UBE2J2: variants seen among roughly 807,000 people sequenced by gnomAD.
The protein encoded by UBE2J2 is ubiquitin conjugating enzyme E2 J2, also known as ubiquitin-conjugating enzyme E2 J2.
A neutral mutation model predicts 28.6 loss-of-function variants in UBE2J2; 5 were observed. The ratio of observed to expected loss-of-function variants is 0.17; its 90% CI spans 0.09 to 0.37. UBE2J2 has a LOEUF of 0.37. Ranked by LOEUF, UBE2J2 falls within the 10% of genes least tolerant of loss-of-function variation. UBE2J2 has a pLI of 1.00. For synonymous variants in UBE2J2, 138 were observed against 139.7 expected (o/e 0.99, Z 0.09); for missense variants, 226 against 338.9 (o/e 0.67, Z 2.62).
intron 3 of UBE2J2, among the ~76,000 whole-genome samples, 176 bp from the exon 4 acceptor site, chr1:1,257,486 C>G (rs1195485136): frequency 2.0e-5 from 3 of 148,226 alleles, no homozygotes; most frequent in Non-Finnish European, 4.5e-5. Context: ...TGACCTTGCT[C>G]TCCACTACCA....
At chr1:1,258,279 G>C (rs2101039886) in intron 3 of UBE2J2, among the ~76,000 whole-genome samples, 1 of 152,132 alleles carries the variant, frequency 6.6e-6, no homozygotes, top group African/African-American at 2.4e-5. Flanking sequence ...CTGACCTCAT[G>C]ATCCGCCCGC....
In UBE2J2 at chr1:1,267,788, G is replaced by A. The variant is rs1387213120; in HGVS notation, c.131+74C>T. On this transcript the variant is annotated intron_variant, in intron 2 of 6. Transcript: ENST00000349431. ...ATGCCATGACTGGGGCACCAGGCTC[G>A]CCCAGCAGGGGCCGGCAGAGGCCTG... 32 of 1,586,520 alleles carry A rather than the reference G, an allele frequency of 2.0e-5. No homozygotes were observed. Among genetic ancestry groups the A allele is most frequent in the Non-Finnish European group, 2.6e-5 (30 of 1,161,220 alleles).
At position 1,268,526 on chromosome 1, in the gene UBE2J2, G is replaced by T. The variant is rs975623623; in HGVS notation, c.1-534C>A. On this transcript the variant is annotated intron_variant, in intron 1 of 6. Coordinates refer to ENST00000349431, the MANE Select transcript of UBE2J2 (RefSeq NM_058167.3). This position sits in a 1 kb window ranked among gnomAD's most constrained non-coding sequence, Gnocchi z 4.7. ...ACGGGGGAGCCTCTGCGGCTGGAGGGACGAGGACTCTGGAGACTCCAAGGC... is the reference window on the plus strand; with the variant it reads ...ACGGGGGAGCCTCTGCGGCTGGAGGTACGAGGACTCTGGAGACTCCAAGGC... Among the ~76,000 whole-genome samples the T allele has an allele frequency of 6.6e-6, 1 of 152,118 alleles. No homozygotes were observed. Among genetic ancestry groups the T allele is most frequent in the Non-Finnish European group, 1.5e-5 (1 of 68,032 alleles).
chr1:1,259,889 T>TG lies in UBE2J2; in HGVS notation c.173-2580dup, dbSNP rs371398545. On this transcript the variant is annotated intron_variant, in intron 3 of 6. Transcript: ENST00000349431. Reference sequence around the variant, plus strand: ...CCCTGGACCCAATAAAGGGTCGGCCTGGGGGTTCCAGTCTCTCTCCACTTT... The same window carrying TG: ...CCCTGGACCCAATAAAGGGTCGGCCTGGGGGGTTCCAGTCTCTCTCCACTTT... Among the ~76,000 whole-genome samples the TG allele has an allele frequency of 4.7e-3, 719 of 152,292 alleles. 6 individuals are homozygous for TG. The highest frequency in any genetic ancestry group is 0.016 in the African/African-American group (666 of 41,572).
intron 2 of UBE2J2, chr1:1,266,024 G>A (rs1639839706): frequency 7.7e-7 from 1 of 1,293,670 alleles, no homozygotes; most frequent in Non-Finnish European, 1.0e-6. Context: ...TTTGTGGGGA[G>A]GGATTTCCCC....
chr1:1,272,614 C>A (rs1182984762), intron 1 of UBE2J2, among the ~76,000 whole-genome samples: 2 of 152,212 alleles, frequency 1.3e-5, no homozygotes, highest in Non-Finnish European at 2.9e-5. Flanking sequence ...CATGCACCTG[C>A]CTGGGTCACC....
In UBE2J2 at chr1:1,255,197, TG is replaced by T. The variant is rs1639098343; in HGVS notation, c.*5del. 2 of 1,576,682 alleles carry T rather than the reference TG, an allele frequency of 1.3e-6. No homozygotes were observed. The highest frequency in any genetic ancestry group is 1.7e-6 in the Non-Finnish European group (2 of 1,156,878). On this transcript the variant is annotated 3_prime_UTR_variant, in exon 7 of 7. Coordinates refer to ENST00000349431, the MANE Select transcript of UBE2J2 (RefSeq NM_058167.3). ...CAGTGGCGCCTTGGGTCTCGGCGCC[TG>T]GGCCTCACTCCTGCGCGATGCTCCT...
rs1345538503 is a variant in UBE2J2 at position 1,268,443 on chromosome 1, C to A, written c.1-451G>T. Among the ~76,000 whole-genome samples, 3 of 152,164 alleles carry A rather than the reference C, an allele frequency of 2.0e-5. No homozygotes were observed. The highest frequency in any genetic ancestry group is 2.9e-5 in the Non-Finnish European group (2 of 68,028). Reference sequence around the variant, plus strand: ...GGCACCACCGCCGGCCCCTTCACCGCACCCGGAAGCCCGCTGCCCAGCATT... The same window carrying A: ...GGCACCACCGCCGGCCCCTTCACCGAACCCGGAAGCCCGCTGCCCAGCATT... On this transcript the variant is annotated intron_variant, in intron 1 of 6. Transcript: ENST00000349431. This position sits in a 1 kb window ranked among gnomAD's most constrained non-coding sequence, Gnocchi z 4.7.
At chr1:1,255,518 G>A (rs1639122949) in intron 6 of UBE2J2, 31 bp from the exon 7 acceptor site, 2 of 1,589,080 alleles carry the variant, frequency 1.3e-6, no homozygotes, top group East Asian at 4.5e-5. Flanking sequence ...AAAGCAGCTG[G>A]TCTCCAACCA....
intron 3 of UBE2J2, 110 bp from the exon 4 acceptor site, chr1:1,257,420 C>A: frequency 1.5e-6 from 1 of 646,218 alleles, no homozygotes; most frequent in Non-Finnish European, 2.6e-6. Context: ...CAGCTCGGCT[C>A]CCGAGTCCTC....
chr1:1,257,170 C>T, intron 4 of UBE2J2, 38 bp downstream of exon 4: 1 of 1,603,152 alleles, frequency 6.2e-7, no homozygotes, highest in Non-Finnish European at 8.5e-7. Context: ...CTCCCCACCG[C>T]AGCCAGAAAG....
chr1:1,259,310 G>A (rs1012548216), intron 3 of UBE2J2, among the ~76,000 whole-genome samples: 22 of 151,872 alleles, frequency 1.4e-4, no homozygotes, highest in African/African-American at 5.3e-4. Context: ...GCACGTGCGT[G>A]CCATCAGGAC....
intron 1 of UBE2J2, chr1:1,272,818 C>G (rs894775392): frequency 1.9e-5 from 3 of 159,348 alleles, no homozygotes; most frequent in East Asian, 1.9e-4. Flanking sequence ...CAACCACGCC[C>G]TAGGCTCAGG....
chr1:1,267,562 T>C (rs1034530318), intron 2 of UBE2J2, among the ~76,000 whole-genome samples: 3 of 151,996 alleles, frequency 2.0e-5, no homozygotes, highest in Non-Finnish European at 4.4e-5. Flanking sequence ...CACCAGAGAC[T>C]CTCTCCAGCC....
Position 1,271,974 on chromosome 1 carries a change from CAAAAAAAAAAAAA to C in UBE2J2, c.-1+1679_-1+1691del, listed in dbSNP as rs60924258. ...GGGCAACAAGAGCGAAACTCCGTCT[CAAAAAAAAAAAAA>C]AAAAAAAAAAAAAAAAATTAGCCGG... On this transcript the variant is annotated intron_variant, in intron 1 of 6. Coordinates refer to ENST00000349431, the MANE Select transcript of UBE2J2 (RefSeq NM_058167.3). 6.7e-3 allele frequency among the ~76,000 whole-genome samples: 185 copies of C among 27,618 alleles called. 3 individuals carry two copies. In the Middle Eastern group the frequency reaches 0.12, roughly 19 times the overall value. 18.1% of individuals were successfully genotyped at this position (27,618 alleles called of 152,430 possible). A position where few individuals can be genotyped will look rare whatever the true frequency, so the allele number is the denominator to read the frequency against.
Position 1,255,226 on chromosome 1 carries a change from G to C in UBE2J2, c.757C>G (p.Leu253Val). 1 of 1,608,132 alleles carries C rather than the reference G, an allele frequency of 6.2e-7. No individual in the cohort carries two copies. ...AAFAYTVKYVLRSIAQE is the reference protein window; with the variant it reads ...AAFAYTVKYVVRSIAQE Reference sequence around the variant, plus strand: ...CCTCACTCCTGCGCGATGCTCCTCAGCACGTACTTGACCGTGTAAGCAAAG... The same window carrying C: ...CCTCACTCCTGCGCGATGCTCCTCACCACGTACTTGACCGTGTAAGCAAAG... Residue 253 changes from leucine (L) to valine (V), a missense_variant, in exon 7 of 7, where the codon CTG (leucine) becomes GTG (valine). Physicochemically the swap from Leu to Val is conservative, Grantham distance 32 (BLOSUM62 1). Coordinates refer to ENST00000349431, the MANE Select transcript of UBE2J2 (RefSeq NM_058167.3).
At position 1,268,021 on chromosome 1, in the gene UBE2J2, C is replaced by G; in HGVS notation, c.1-29G>C. 6.2e-7 allele frequency: 1 copy of G among 1,609,054 alleles called. No individual in the cohort carries two copies. Among genetic ancestry groups the G allele is most frequent in the Non-Finnish European group, 8.5e-7 (1 of 1,176,378 alleles). On this transcript the variant is annotated intron_variant, in intron 1 of 6. Transcript: ENST00000349431. The surrounding 1 kb of genome is among the most constrained non-coding windows in gnomAD (Gnocchi z 4.7). Reference sequence around the variant, plus strand: ...TTAAAAGCAACGTCTACACTGACGACGAGAAGCAGCGCCGGCCACAGCTCT... The same window carrying G: ...TTAAAAGCAACGTCTACACTGACGAGGAGAAGCAGCGCCGGCCACAGCTCT...
At chr1:1,266,091 C>G (rs1167981263) in intron 2 of UBE2J2, 11 of 1,304,034 alleles carry the variant, frequency 8.4e-6, no homozygotes, top group Non-Finnish European at 1.0e-5. Flanking sequence ...GAACTTGTCC[C>G]TCTCACCTGC....
intron 3 of UBE2J2, chr1:1,262,967 C>T (rs75114013): frequency 0.019 from 3,636 of 194,782 alleles, 113 homozygotes; most frequent in African/African-American, 0.074. Context: ...ACCCTGGGGG[C>T]GCCCAGCACA....
Sources: gnomAD v4.1 joint callset for allele counts (sites outside exome capture counted in the v4.1 genomes callset) on GRCh38, gnomAD v4.1.1 for gene constraint, Gnocchi (gnomAD v3.1) non-coding constraint, MANE v1.5 for transcripts, NCBI Gene and HGNC (gene_info 2026-07-23, HGNC 2026-07-21) for gene names.